Variants in STARD13 observed in about 807,000 individuals in gnomAD.
STARD13 encodes the protein stAR-related lipid transfer protein 13.
In STARD13, 62 loss-of-function variants were observed where a neutral mutation model predicts 106.4. The ratio of observed to expected loss-of-function variants is 0.58; its 90% CI spans 0.48 to 0.72. The LOEUF (loss-of-function observed/expected upper bound fraction) is 0.72, where lower values mean the gene tolerates loss of function less well. Ranked by LOEUF, STARD13 falls within the 30% of genes least tolerant of loss-of-function variation. The pLI is 0.00. For synonymous variants in STARD13, 565 were observed against 553.0 expected, an observed-to-expected ratio of 1.02 and a Z score of -0.31; for missense variants, 1,387 against 1,424.0, an observed-to-expected ratio of 0.97 and a Z score of 0.42.
the STARD13 span, among the ~76,000 whole-genome samples, chr13:33,546,900 TGAG>T: frequency 1.6e-4 from 25 of 152,220 alleles, no homozygotes; most frequent in Admixed American, 2.0e-4. Flanking sequence ...AAAGTATTGA[TGAG>T]AGATACTTTT....
intron 1 of STARD13, among the ~76,000 whole-genome samples, chr13:33,181,116 G>T (rs1354353994): frequency 6.6e-6 from 1 of 152,108 alleles, no homozygotes; most frequent in African/African-American, 2.4e-5. Context: ...CCTCTAAGGT[G>T]CTCTCCCTTA....
chr13:33,282,888 G>T (rs1191775095), intron 1 of STARD13, among the ~76,000 whole-genome samples: 1 of 152,054 alleles, frequency 6.6e-6, no homozygotes, highest in African/African-American at 2.4e-5. Context: ...AATTAGCCAG[G>T]CATGGTGGCA....
chr13:33,153,376 A>G (rs1290333327), intron 3 of STARD13, among the ~76,000 whole-genome samples: 1 of 152,186 alleles, frequency 6.6e-6, no homozygotes, highest in Non-Finnish European at 1.5e-5. Context: ...GCACACAGGA[A>G]AAGAGCCAGA....
At chr13:33,351,212 T>C (rs2078076001), upstream of STARD13, among the ~76,000 whole-genome samples, 1 of 152,204 alleles carries the variant, frequency 6.6e-6, no homozygotes, top group Non-Finnish European at 1.5e-5. Context: ...GAAAAATAAC[T>C]TTAAAATATT....
At chr13:33,327,704 A>G (rs944841040) in intron 1 of STARD13, among the ~76,000 whole-genome samples, 15 of 152,162 alleles carry the variant, frequency 9.9e-5, no homozygotes, top group African/African-American at 3.6e-4. Flanking sequence ...ATTATTTTTT[A>G]TCATTGTAAG....
chr13:33,259,953 G>A (rs1890555882), intron 1 of STARD13, among the ~76,000 whole-genome samples: 1 of 140,982 alleles, frequency 7.1e-6, no homozygotes, highest in African/African-American at 2.7e-5. Context: ...CCGAGATCGT[G>A]CCACTGCACT....
At chr13:33,514,827 G>C in the STARD13 span, among the ~76,000 whole-genome samples, 2 of 152,070 alleles carry the variant, frequency 1.3e-5, no homozygotes, top group Non-Finnish European at 2.9e-5. Context: ...ACCAATCCAA[G>C]TTTTAGACAT....
chr13:33,149,407 T>A (rs1351648072), intron 3 of STARD13, among the ~76,000 whole-genome samples: 1 of 152,234 alleles, frequency 6.6e-6, no homozygotes, highest in African/African-American at 2.4e-5. Context: ...AGTCTTTTTT[T>A]ATTCATTTAA....
At chr13:33,548,437 G>C in the STARD13 span, among the ~76,000 whole-genome samples, 1 of 152,186 alleles carries the variant, frequency 6.6e-6, no homozygotes, top group Non-Finnish European at 1.5e-5. Context: ...ATAGCAGTTT[G>C]ATGAAATGGA....
chr13:33,350,641 C>T, upstream of STARD13: 1 of 1,332,614 alleles, frequency 7.5e-7, no homozygotes, highest in Non-Finnish European at 9.6e-7. Flanking sequence ...AACCTCTGCG[C>T]TCGCCAACTC....
At chr13:33,671,840 T>C in the STARD13 span, among the ~76,000 whole-genome samples, 7 of 152,234 alleles carry the variant, frequency 4.6e-5, no homozygotes, top group East Asian at 9.6e-4. Flanking sequence ...GTCACAATTA[T>C]AGTTCAACCA....
intron 11 of STARD13, 110 bp downstream of exon 11, chr13:33,110,576 C>A: frequency 1.1e-6 from 1 of 873,554 alleles, no homozygotes; most frequent in Non-Finnish European, 1.9e-6. Context: ...TAACTGTCCG[C>A]GTGTGTGCCA....
intron 4 of STARD13, chr13:33,138,886 A>C (rs1879435278): frequency 2.1e-6 from 1 of 474,188 alleles, no homozygotes; most frequent in South Asian, 1.5e-5. Flanking sequence ...TAGAAACTGT[A>C]TTGTGGGAGG....
the STARD13 span, among the ~76,000 whole-genome samples, chr13:33,360,661 C>T: frequency 7.4e-6 from 1 of 135,104 alleles, no homozygotes; most frequent in African/African-American, 2.8e-5. Flanking sequence ...AGAAGGATTC[C>T]TTCTGTGTAG....
chr13:33,384,975 G>A, the STARD13 span, among the ~76,000 whole-genome samples: 12 of 151,528 alleles, frequency 7.9e-5, no homozygotes, highest in Non-Finnish European at 1.5e-5. Context: ...TCATGTCTGG[G>A]TTGATAATAG....
At chr13:33,208,186 T>A (rs1055566120) in intron 1 of STARD13, among the ~76,000 whole-genome samples, 2 of 152,172 alleles carry the variant, frequency 1.3e-5, no homozygotes, top group Non-Finnish European at 2.9e-5. Flanking sequence ...CAAGGGTACA[T>A]GAAATGAAAT....
chr13:33,556,089 G>T, the STARD13 span, among the ~76,000 whole-genome samples: 3 of 152,086 alleles, frequency 2.0e-5, no homozygotes, highest in African/African-American at 7.2e-5. Flanking sequence ...TGTTAAAACT[G>T]GCATTTTGCA....
chr13:33,608,022 A>C, the STARD13 span, among the ~76,000 whole-genome samples: 1 of 151,940 alleles, frequency 6.6e-6, no homozygotes, highest in East Asian at 1.9e-4. Context: ...CGATCCTCCC[A>C]CCTCAGGCTT....
At chr13:33,140,052 C>A (rs1593944900) in intron 4 of STARD13, among the ~76,000 whole-genome samples, 1 of 152,076 alleles carries the variant, frequency 6.6e-6, no homozygotes, top group South Asian at 2.1e-4. Context: ...CCACTAGATG[C>A]GATATAAAGA....
Sources: gnomAD v4.1 joint callset for allele counts (sites outside exome capture counted in the v4.1 genomes callset) on GRCh38, gnomAD v4.1.1 for gene constraint, MANE v1.5 for transcripts, NCBI Gene and HGNC (gene_info 2026-07-23, HGNC 2026-07-21) for gene names.